Variants in KIRREL3 observed in about 807,000 individuals in gnomAD.
The protein encoded by KIRREL3 is kirre like nephrin family adhesion molecule 3, also known as kin of IRRE-like protein 3.
KIRREL3 carries 36 observed loss-of-function variants against 89.7 expected under a neutral mutation model. The ratio of observed to expected loss-of-function variants is 0.40; its 90% CI spans 0.31 to 0.53. The LOEUF (loss-of-function observed/expected upper bound fraction) is 0.53, where lower values mean the gene tolerates loss of function less well. Among genes scored for constraint, KIRREL3 ranks in the 20% least tolerant of loss-of-function variants. The pLI is 0.49. For synonymous variants in KIRREL3, 445 were observed against 441.4 expected (o/e 1.01, Z -0.10); for missense variants, 864 against 1,056.6 (o/e 0.82, Z 2.53).
chr11:126,750,868 A>G lies in KIRREL3; in HGVS notation c.56-187956T>C, dbSNP rs1396851418. Among the ~76,000 whole-genome samples the G allele has an allele frequency of 1.3e-5, 2 of 152,212 alleles. No homozygotes were observed. The highest frequency in any genetic ancestry group is 1.3e-4 in the Admixed American group (2 of 15,284). On this transcript the variant is annotated intron_variant, in intron 1 of 16. Coordinates refer to ENST00000525144, the MANE Select transcript of KIRREL3 (RefSeq NM_032531.4). The surrounding 1 kb of genome is among the most constrained non-coding windows in gnomAD (Gnocchi z 4.2). ...ATTTTCATGAGTACTAATAAAACAC[A>G]TGATAGTTATCACTTTAGGGATGGC...
rs925853049 is a variant in KIRREL3 at position 126,639,678 on chromosome 11, G to A, written c.56-76766C>T. Among the ~76,000 whole-genome samples, 3 of 152,136 alleles carry A rather than the reference G, an allele frequency of 2.0e-5. No homozygotes were observed. Among genetic ancestry groups the A allele is most frequent in the Admixed American group, 6.5e-5 (1 of 15,282 alleles). Reference sequence around the variant, plus strand: ...ACTTGTACAATTAATATTCTCCCTGGTGTTGATTTTGTTCAAATATATTGG... The same window carrying A: ...ACTTGTACAATTAATATTCTCCCTGATGTTGATTTTGTTCAAATATATTGG... On this transcript the variant is annotated intron_variant, in intron 1 of 16. Transcript: ENST00000525144. This position sits in a 1 kb window ranked among gnomAD's most constrained non-coding sequence, Gnocchi z 4.3.
At position 126,446,981 on chromosome 11, in the gene KIRREL3, G is replaced by C. The variant is rs529019226; in HGVS notation, c.998-95C>G. 1,224 of 1,453,896 alleles carry C rather than the reference G, an allele frequency of 8.4e-4. 20 individuals are homozygous for C. In the South Asian group the frequency reaches 0.015, roughly 18 times the overall value. The allele number at this position is 1,453,896 out of a possible 1,614,324, so 90.1% of individuals were successfully genotyped here. ...TCCTTTTCCCCCTAGACCTTGACTG[G>C]GGGGAGGCAGGCAGTGGGGTACTTG... On this transcript the variant is annotated intron_variant, in intron 8 of 16. Coordinates refer to ENST00000525144, the MANE Select transcript of KIRREL3 (RefSeq NM_032531.4).
At chr11:126,678,723 G>A (rs1011829213) in intron 1 of KIRREL3, among the ~76,000 whole-genome samples, 1 of 151,650 alleles carries the variant, frequency 6.6e-6, no homozygotes, top group African/African-American at 2.4e-5. Context: ...CACTCGAGGA[G>A]AAAAGGACCC....
rs1937793108 is a variant in KIRREL3 at position 126,535,600 on chromosome 11, G to A, written c.134-8913C>T. 6.8e-6 allele frequency among the ~76,000 whole-genome samples: 1 copy of A among 148,054 alleles called. No homozygotes were observed. The highest frequency in any genetic ancestry group is 2.5e-5 in the African/African-American group (1 of 39,912). On this transcript the variant is annotated intron_variant, in intron 2 of 16. Coordinates refer to ENST00000525144, the MANE Select transcript of KIRREL3 (RefSeq NM_032531.4). The surrounding 1 kb of genome is among the most constrained non-coding windows in gnomAD (Gnocchi z 4.5). ...GTGTGTGTGTGTGTGTGTGCACGTG[G>A]GTGTGTTTGTCAGATTAACTGAATT...
intron 1 of KIRREL3, among the ~76,000 whole-genome samples, chr11:126,629,987 G>T (rs1379144942): frequency 6.6e-6 from 1 of 152,148 alleles, no homozygotes; most frequent in Non-Finnish European, 1.5e-5. Context: ...TTTTCTGCCA[G>T]GATCCTGATA....
intron 1 of KIRREL3, among the ~76,000 whole-genome samples, chr11:126,818,511 A>G (rs1187866690): frequency 6.6e-6 from 1 of 152,172 alleles, no homozygotes; most frequent in African/African-American, 2.4e-5. Context: ...CATATATTAA[A>G]TAAAAACATG....
At chr11:126,671,886 A>G (rs866819459) in intron 1 of KIRREL3, among the ~76,000 whole-genome samples, 30 of 152,326 alleles carry the variant, frequency 2.0e-4, no homozygotes, top group African/African-American at 6.0e-4. Context: ...CATGCTAAAC[A>G]TAGTTTTACC....
Position 126,651,001 on chromosome 11 carries a change from A to T in KIRREL3, c.56-88089T>A, listed in dbSNP as rs1397203691. 6.6e-6 allele frequency among the ~76,000 whole-genome samples: 1 copy of T among 152,192 alleles called. No individual in the cohort carries two copies. Among genetic ancestry groups the T allele is most frequent in the East Asian group, 1.9e-4 (1 of 5,180 alleles). On this transcript the variant is annotated intron_variant, in intron 1 of 16. Transcript: ENST00000525144. The surrounding 1 kb of genome is among the most constrained non-coding windows in gnomAD (Gnocchi z 4.6). ...GATGCAAAAGTGAAAATCCCTGATA[A>T]AACCATCAGATCTCATGAGACACAT...
intron 1 of KIRREL3, among the ~76,000 whole-genome samples, chr11:126,958,279 G>A (rs1370050499): frequency 6.6e-6 from 1 of 152,230 alleles, no homozygotes; most frequent in African/African-American, 2.4e-5. Context: ...GAAACATGGA[G>A]ATGTCCCCAG....
At chr11:126,923,129 CTCTT>C (rs1947436709) in intron 1 of KIRREL3, among the ~76,000 whole-genome samples, 19 of 25,736 alleles carry the variant, frequency 7.4e-4, no homozygotes, top group African/African-American at 2.9e-3. Context: ...TCTCCTTCTT[CTCTT>C]CTTCTTCTTC....
rs945002569 is a variant in KIRREL3 at position 126,905,273 on chromosome 11, C to T, written c.55+95182G>A. On this transcript the variant is annotated intron_variant, in intron 1 of 16. Transcript: ENST00000525144. This position sits in a 1 kb window ranked among gnomAD's most constrained non-coding sequence, Gnocchi z 5.0. ...GTGATATTTTTTAGTGAAGGAGATG[C>T]TTCCGGGGGGAGCTGCAAGCTGAGG... Among the ~76,000 whole-genome samples the T allele has an allele frequency of 6.6e-6, 1 of 152,026 alleles. No homozygotes were observed. The highest frequency in any genetic ancestry group is 2.4e-5 in the African/African-American group (1 of 41,378).
At chr11:126,437,250 A>G (rs1194253099) in intron 11 of KIRREL3, among the ~76,000 whole-genome samples, 2 of 152,164 alleles carry the variant, frequency 1.3e-5, no homozygotes, top group East Asian at 3.8e-4. Context: ...CGGCACCCAC[A>G]TGCAGGTACA....
In KIRREL3 at chr11:126,526,138, A is replaced by G. The variant is rs1425572719; in HGVS notation, c.283+400T>C. On this transcript the variant is annotated intron_variant, in intron 3 of 16. Coordinates refer to ENST00000525144, the MANE Select transcript of KIRREL3 (RefSeq NM_032531.4). This position sits in a 1 kb window ranked among gnomAD's most constrained non-coding sequence, Gnocchi z 5.7. The stretch of plus-strand genomic sequence containing the variant: ...CCCTTTAATGGGTGAGAAGCCTGGA[A>G]GAACCAGGTTGTGACTTGTATTTCC... 6.6e-6 allele frequency among the ~76,000 whole-genome samples: 1 copy of G among 152,238 alleles called. No individual in the cohort carries two copies. Among genetic ancestry groups the G allele is most frequent in the Non-Finnish European group, 1.5e-5 (1 of 68,044 alleles).
At chr11:126,507,511 T>C (rs890251593) in intron 4 of KIRREL3, among the ~76,000 whole-genome samples, 4 of 152,348 alleles carry the variant, frequency 2.6e-5, no homozygotes, top group Admixed American at 6.5e-5. Context: ...TAATACACTA[T>C]AAAGTTTTCT....
At position 126,424,709 on chromosome 11, in the gene KIRREL3, C is replaced by G; in HGVS notation, c.2208G>C (p.Lys736Asn). The change falls in exon 17 of 17, where the codon AAG becomes AAC. Residue 736 changes from lysine to asparagine, a missense_variant. Coordinates refer to ENST00000525144, the MANE Select transcript of KIRREL3 (RefSeq NM_032531.4). The stretch of plus-strand genomic sequence containing the variant: ...TGTCGAACTGCACATAGCCATCCTG[C>G]TTGCCGCTGCTGCTGACGCTGCTGT... ...QCDSSVSSSG[K>N]QDGYVQFDKA... 1.2e-6 allele frequency: 2 copies of G among 1,614,056 alleles called. No individual in the cohort carries two copies. The highest frequency in any genetic ancestry group is 1.7e-6 in the Non-Finnish European group (2 of 1,179,904).
rs999865645 is a variant in KIRREL3 at position 126,684,472 on chromosome 11, C to G, written c.56-121560G>C. 1.3e-5 allele frequency among the ~76,000 whole-genome samples: 2 copies of G among 152,214 alleles called. No homozygotes were observed. Among genetic ancestry groups the G allele is most frequent in the African/African-American group, 4.8e-5 (2 of 41,462 alleles). On this transcript the variant is annotated intron_variant, in intron 1 of 16. Transcript: ENST00000525144. This position sits in a 1 kb window ranked among gnomAD's most constrained non-coding sequence, Gnocchi z 4.2. ...AAGGTGCCTCCACAAAGCCTCAGGG[C>G]TCTGAGGGTGTTAGGGAAACCACAG...
chr11:126,691,599 T>A (rs1353117492), intron 1 of KIRREL3, among the ~76,000 whole-genome samples: 1 of 152,140 alleles, frequency 6.6e-6, no homozygotes, highest in Non-Finnish European at 1.5e-5. Flanking sequence ...TTCTTCTTTT[T>A]TTAAAAAAAA....
chr11:126,478,791 A>G (rs1049866932), intron 4 of KIRREL3, among the ~76,000 whole-genome samples: 5 of 151,960 alleles, frequency 3.3e-5, no homozygotes, highest in Non-Finnish European at 5.9e-5. Flanking sequence ...GTGTGTGTGC[A>G]TGCATGTGTG....
rs2134358183 is a variant in KIRREL3, at chr11:126,498,304, A to C, written c.433+23011T>G. On this transcript the variant is annotated intron_variant, in intron 4 of 16. Coordinates refer to ENST00000525144, the MANE Select transcript of KIRREL3 (RefSeq NM_032531.4). The surrounding 1 kb of genome is among the most constrained non-coding windows in gnomAD (Gnocchi z 4.3). ...AAGAAAACGCCCATTTTCTCACTCCAAGTTTCCCCCTCATTAATTTTAATC... is the reference window on the plus strand; with the variant it reads ...AAGAAAACGCCCATTTTCTCACTCCCAGTTTCCCCCTCATTAATTTTAATC... Among the ~76,000 whole-genome samples, 1 of 152,284 alleles carries C rather than the reference A, an allele frequency of 6.6e-6. No homozygotes were observed. Among genetic ancestry groups the C allele is most frequent in the East Asian group, 1.9e-4 (1 of 5,170 alleles).
Sources: gnomAD v4.1 joint callset for allele counts (sites outside exome capture counted in the v4.1 genomes callset) on GRCh38, gnomAD v4.1.1 for gene constraint, Gnocchi (gnomAD v3.1) non-coding constraint, MANE v1.5 for transcripts, NCBI Gene and HGNC (gene_info 2026-07-23, HGNC 2026-07-21) for gene names.